Variants in ZFYVE9 observed in about 807,000 individuals in gnomAD.
ZFYVE9 encodes zinc finger FYVE domain-containing protein 9.
In ZFYVE9, 43 loss-of-function variants were observed where a neutral mutation model predicts 126.7. That is an observed-to-expected ratio of 0.34 (90% CI 0.27 to 0.44). The LOEUF is 0.44. ZFYVE9 is among the 20% of genes least tolerant of loss of function. ZFYVE9 has a pLI of 1.00. For synonymous variants in ZFYVE9, 521 were observed against 597.4 expected (o/e 0.87, Z 1.87); for missense variants, 1,476 against 1,697.0 (o/e 0.87, Z 2.29).
chr1:52,217,671 C>T lies in ZFYVE9; in HGVS notation c.-37+1197C>T, dbSNP rs1645084862. Among the ~76,000 whole-genome samples, 5 of 152,184 alleles carry T rather than the reference C, an allele frequency of 3.3e-5. No homozygotes were observed. In the South Asian group the frequency reaches 1.0e-3, roughly 32 times the overall value. On this transcript the variant is annotated intron_variant, in intron 2 of 18. Coordinates refer to ENST00000287727, the MANE Select transcript of ZFYVE9 (RefSeq NM_004799.4). ...AAAGATTGAGGTCATGAGTCCCTTC[C>T]ATTTTCCAAACCACCTTTCCATTAG... is the stretch of plus-strand genomic sequence containing the variant.
intron 1 of ZFYVE9, among the ~76,000 whole-genome samples, chr1:52,207,157 G>A (rs1644986105): frequency 6.6e-6 from 1 of 152,194 alleles, no homozygotes. Context: ...CAGGGATGTT[G>A]TATATCTCAG....
At chr1:52,273,720 C>A (rs534588303) in intron 7 of ZFYVE9, among the ~76,000 whole-genome samples, 1 of 148,906 alleles carries the variant, frequency 6.7e-6, no homozygotes, top group East Asian at 2.0e-4. Context: ...CCCAGCTACT[C>A]GGGAGGCTGA....
chr1:52,279,089 A>G (rs1484861703), intron 9 of ZFYVE9, among the ~76,000 whole-genome samples: 1 of 152,122 alleles, frequency 6.6e-6, no homozygotes, highest in Non-Finnish European at 1.5e-5. Context: ...TTTTTATAAA[A>G]TGATATATCC....
chr1:52,326,568 G>C (rs557191162), intron 13 of ZFYVE9, among the ~76,000 whole-genome samples: 1 of 152,014 alleles, frequency 6.6e-6, no homozygotes, highest in East Asian at 1.9e-4. Flanking sequence ...TTGGTCGAAG[G>C]CCAGGCATGG....
intron 7 of ZFYVE9, among the ~76,000 whole-genome samples, chr1:52,272,000 TG>T (rs1459477102): frequency 6.6e-6 from 1 of 151,896 alleles, no homozygotes; most frequent in East Asian, 1.9e-4. Flanking sequence ...CCACCACACC[TG>T]GCAAATTTTG....
intron 1 of ZFYVE9, among the ~76,000 whole-genome samples, chr1:52,155,340 T>G (rs1644393285): frequency 6.7e-6 from 1 of 150,336 alleles, no homozygotes. Context: ...GTTCATGCCA[T>G]TCTCCTGCCT....
chr1:52,328,583 G>T (rs952956375), intron 13 of ZFYVE9, among the ~76,000 whole-genome samples: 2 of 152,170 alleles, frequency 1.3e-5, no homozygotes, highest in African/African-American at 4.8e-5. Context: ...AATTTATTCA[G>T]AATGTCTGGA....
At chr1:52,240,546 A>AC (rs1017755837) in intron 4 of ZFYVE9, among the ~76,000 whole-genome samples, 12 of 151,848 alleles carry the variant, frequency 7.9e-5, no homozygotes, top group Admixed American at 5.9e-4. Context: ...AGAGTGTTTG[A>AC]CCCCCCAGTG....
intron 17 of ZFYVE9, 126 bp from the exon 18 acceptor site, chr1:52,344,641 TG>T: frequency 2.1e-6 from 2 of 954,400 alleles, no homozygotes; most frequent in Non-Finnish European, 3.1e-6. Flanking sequence ...AGGGACTTTA[TG>T]GTGTCCTGTT....
At chr1:52,252,674 T>C in intron 4 of ZFYVE9, 1 of 360,412 alleles carries the variant, frequency 2.8e-6, no homozygotes, top group South Asian at 2.2e-5. Context: ...TTTGTTTTAC[T>C]TGAGGTTCCA....
intron 1 of ZFYVE9, chr1:52,150,369 G>T (rs900684745): frequency 6.6e-6 from 1 of 152,220 alleles, no homozygotes; most frequent in African/African-American, 2.4e-5. Context: ...GATCATGTCT[G>T]AGAATAGCCA....
At position 52,170,640 on chromosome 1, in the gene ZFYVE9, G is replaced by C. The variant is rs945806419; in HGVS notation, c.-143+28237G>C. On this transcript the variant is annotated intron_variant, in intron 1 of 18. Transcript: ENST00000287727. ...AGCTATAAATTGTCCTCTTAGTACT[G>C]CTTTTGCTGTATCCCATAGGTTTCG... Among the ~76,000 whole-genome samples, 4 of 151,966 alleles carry C rather than the reference G, an allele frequency of 2.6e-5. No individual in the cohort carries two copies. The East Asian group carries it at 7.7e-4, about 29-fold the overall frequency.
intron 13 of ZFYVE9, among the ~76,000 whole-genome samples, chr1:52,320,015 CAAAAA>C (rs199572576): frequency 2.2e-5 from 3 of 134,484 alleles, no homozygotes; most frequent in African/African-American, 8.4e-5. Context: ...GATTCTGTCT[CAAAAA>C]AAAAAAAAAA....
chr1:52,249,768 G>A (rs1321172794), intron 4 of ZFYVE9, among the ~76,000 whole-genome samples: 1 of 152,088 alleles, frequency 6.6e-6, no homozygotes, highest in African/African-American at 2.4e-5. Flanking sequence ...TTGCGTTTAG[G>A]TCTTTTATCC....
chr1:52,318,418 CTT>C (rs997225613), intron 13 of ZFYVE9, among the ~76,000 whole-genome samples: 22 of 129,464 alleles, frequency 1.7e-4, no homozygotes, highest in Non-Finnish European at 4.9e-5. Flanking sequence ...GTGTGTGTAT[CTT>C]GGCAATCTAA....
chr1:52,292,364 C>A (rs755516122), intron 10 of ZFYVE9, among the ~76,000 whole-genome samples: 48 of 150,044 alleles, frequency 3.2e-4, no homozygotes, highest in Non-Finnish European at 5.8e-4. Context: ...CCCTTAATGT[C>A]TTATAACTGT....
intron 1 of ZFYVE9, among the ~76,000 whole-genome samples, chr1:52,166,436 C>T (rs886659294): frequency 2.6e-5 from 4 of 152,196 alleles, no homozygotes; most frequent in Admixed American, 2.6e-4. Context: ...ATAAGATTAC[C>T]TAGCCTGTTT....
intron 1 of ZFYVE9, among the ~76,000 whole-genome samples, chr1:52,186,666 A>G (rs1054483182): frequency 2.0e-5 from 3 of 152,226 alleles, no homozygotes; most frequent in African/African-American, 7.2e-5. Context: ...CTAGACACTG[A>G]CAGCAGCCAA....
intron 1 of ZFYVE9, among the ~76,000 whole-genome samples, chr1:52,198,120 G>GTTT (rs373096573): frequency 0.1 from 11,397 of 110,798 alleles, 2,274 homozygotes; most frequent in East Asian, 0.14. Flanking sequence ...GTTTTTTTTT[G>GTTT]TTTGTTTTTT....
Sources: gnomAD v4.1 joint callset for allele counts (sites outside exome capture counted in the v4.1 genomes callset) on GRCh38, gnomAD v4.1.1 for gene constraint, MANE v1.5 for transcripts, NCBI Gene and HGNC (gene_info 2026-07-23, HGNC 2026-07-21) for gene names.